Variants in HIPK4 observed in about 807,000 individuals in gnomAD.
The protein encoded by HIPK4 is homeodomain interacting protein kinase 4, also known as homeodomain-interacting protein kinase 4.
Under a neutral mutation model 44.8 loss-of-function variants are expected in HIPK4, and 26 were observed. The observed-to-expected ratio is 0.58, with a 90% CI of 0.43 to 0.80. The LOEUF is 0.80. Ranked by LOEUF, HIPK4 falls within the 30% of genes least tolerant of loss-of-function variation. HIPK4 has a pLI of 0.00. For synonymous variants in HIPK4, 340 were observed against 355.5 expected (o/e 0.96, Z 0.49); for missense variants, 729 against 862.6 (o/e 0.85, Z 1.94).
At position 40,380,763 on chromosome 19, in the gene HIPK4, T is replaced by C. The variant is rs764001974; in HGVS notation, c.1228A>G (p.Ser410Gly). 3 of 1,614,194 alleles carry C rather than the reference T, an allele frequency of 1.9e-6. 1 individual carries two copies. The highest frequency in any genetic ancestry group is 3.3e-4 in the Middle Eastern group (2 of 6,062). ...TTCTCCTCTCGGAAGAAGGGGCTGC[T>C]GCCGGCCACACTGCCCATACCCGCA... ...EAAGMGSVAGSSPFFREEKAP... is the reference protein window; with the variant it reads ...EAAGMGSVAGGSPFFREEKAP... Residue 410 changes from serine to glycine, a missense_variant, in exon 3 of 4, where the codon AGC (serine) becomes GGC (glycine). This residue lies in a region of HIPK4 where 533 missense variants were observed against 567.5 expected (regional missense o/e 0.94). Transcript: ENST00000291823. This position sits in a 1 kb window ranked among gnomAD's most constrained non-coding sequence, Gnocchi z 4.2.
Position 40,389,836 on chromosome 19 carries a change from C to T in HIPK4, c.67G>A (p.Gly23Arg). 5 of 1,613,898 alleles carry T rather than the reference C, an allele frequency of 3.1e-6. No homozygotes were observed. Among genetic ancestry groups the T allele is most frequent in the East Asian group, 2.2e-5 (1 of 44,878 alleles). Reference sequence around the variant, plus strand: ...CGCCGCCAGCCCTTGGCTACCTCCCCGAAGGTCCCCTTGCCCAAGACCTCG... The same window carrying T: ...CGCCGCCAGCCCTTGGCTACCTCCCTGAAGGTCCCCTTGCCCAAGACCTCG... ...IIEVLGKGTF[G>R]EVAKGWRRST... Residue 23 changes from glycine (G) to arginine (R), a missense_variant, in exon 1 of 4, where the codon GGG becomes AGG. Physicochemically the swap from Gly to Arg is moderately radical, Grantham distance 125 (BLOSUM62 -2). Transcript: ENST00000291823. The surrounding 1 kb of genome is among the most constrained non-coding windows in gnomAD (Gnocchi z 4.6).
At chr19:40,381,783 CCTT>C (rs1169312546) in intron 2 of HIPK4, among the ~76,000 whole-genome samples, 1,416 of 113,224 alleles carry the variant, frequency 0.013, 77 homozygotes, top group Admixed American at 0.1. Flanking sequence ...TCACTCAGAT[CCTT>C]TTTTTTTTTT....
At chr19:40,387,769 A>T (rs1260523874) in intron 1 of HIPK4, among the ~76,000 whole-genome samples, 1 of 151,820 alleles carries the variant, frequency 6.6e-6, no homozygotes, top group Non-Finnish European at 1.5e-5. Context: ...TTGGGCCACC[A>T]CACCTGGCCA....
intron 1 of HIPK4, among the ~76,000 whole-genome samples, chr19:40,385,032 T>G (rs1040762850): frequency 6.6e-6 from 1 of 152,196 alleles, no homozygotes; most frequent in Non-Finnish European, 1.5e-5. Flanking sequence ...AGGACCCTAT[T>G]CTTCCTCTTG....
At chr19:40,386,438 C>T (rs997236556) in intron 1 of HIPK4, among the ~76,000 whole-genome samples, 47 of 152,180 alleles carry the variant, frequency 3.1e-4, no homozygotes, top group African/African-American at 1.1e-3. Flanking sequence ...ACTGTAGCCG[C>T]GAACTCCAGG....
chr19:40,385,114 C>T (rs1428090119), intron 1 of HIPK4, among the ~76,000 whole-genome samples: 2 of 152,144 alleles, frequency 1.3e-5, no homozygotes, highest in Admixed American at 6.6e-5. Flanking sequence ...CAGCCCCGAC[C>T]CTGGTCCTAT....
intron 1 of HIPK4, among the ~76,000 whole-genome samples, chr19:40,386,882 G>A (rs2079365784): frequency 6.6e-6 from 1 of 151,178 alleles, no homozygotes; most frequent in African/African-American, 2.4e-5. Context: ...TGAGACAGTG[G>A]CTCACCCTGT....
At position 40,380,687 on chromosome 19, in the gene HIPK4, T is replaced by C; in HGVS notation, c.1304A>G (p.Gln435Arg). ...AIDQLDDLSL[Q>R]EAGHGLWGET... ...ACCCCACAGCCCATGCCCAGCCTCC[T>C]GCAGACTCAGGTCATCCAGCTGGTC... The change falls in exon 3 of 4, where the codon CAG becomes CGG. Residue 435 changes from glutamine (Q) to arginine (R), a missense_variant. Transcript: ENST00000291823. This position sits in a 1 kb window ranked among gnomAD's most constrained non-coding sequence, Gnocchi z 4.2. The C allele has an allele frequency of 6.2e-7, 1 of 1,614,136 alleles. No individual in the cohort carries two copies. The highest frequency in any genetic ancestry group is 1.1e-5 in the South Asian group (1 of 91,092).
rs2079330457 is a variant in HIPK4, at chr19:40,380,715, T to C, written c.1276A>G (p.Ile426Val). Residue 426 changes from isoleucine (I) to valine (V), a missense_variant, in exon 3 of 4, where the codon ATC becomes GTC. Coordinates refer to ENST00000291823, the MANE Select transcript of HIPK4 (RefSeq NM_144685.5). The surrounding 1 kb of genome is among the most constrained non-coding windows in gnomAD (Gnocchi z 4.2). ...EEKAPGMQRA[I>V]DQLDDLSLQE... is the part of the protein sequence containing the mutation. ...AGACTCAGGTCATCCAGCTGGTCGA[T>C]GGCTCTTTGCATACCTGGTGCCTTC... 2 of 1,614,118 alleles carry C rather than the reference T, an allele frequency of 1.2e-6. No homozygotes were observed. Among genetic ancestry groups the C allele is most frequent in the Non-Finnish European group, 1.7e-6 (2 of 1,179,942 alleles).
At chr19:40,387,757 G>A (rs973458582) in intron 1 of HIPK4, among the ~76,000 whole-genome samples, 10 of 152,184 alleles carry the variant, frequency 6.6e-5, no homozygotes, top group Non-Finnish European at 1.2e-4. Flanking sequence ...GGGATTACAG[G>A]CTTGGGCCAC....
In HIPK4 at chr19:40,381,166, C is replaced by T; in HGVS notation, c.825G>A (p.Val275=). ...SSADYLAETK[V]RPLERRKYML... ...TATACTTGCGGCGCTCCAATGGGCG[C>T]ACCTGGCGGGGCATGGAGAAGGGGG... The change falls in exon 3 of 4, where the codon GTG becomes GTA. Residue 275 remains valine (V), a splice_region_variant and synonymous_variant. Transcript: ENST00000291823. 6.3e-7 allele frequency: 1 copy of T among 1,592,760 alleles called. No individual in the cohort carries two copies. Among genetic ancestry groups the T allele is most frequent in the Non-Finnish European group, 8.5e-7 (1 of 1,174,048 alleles).
intron 1 of HIPK4, among the ~76,000 whole-genome samples, chr19:40,385,683 C>CTTTTTTTTTTTTTTTTTT (rs142414559): frequency 4.9e-4 from 33 of 67,040 alleles, no homozygotes; most frequent in South Asian, 9.4e-4. Context: ...CTTTTCTTTT[C>CTTTTTTTTTTTTTTTTTT]TTTTTTTTTT....
rs1169524144 is a variant in HIPK4, at chr19:40,389,752, T to C, written c.151A>G (p.Ile51Val). The C allele has an allele frequency of 6.2e-7, 1 of 1,614,092 alleles. No homozygotes were observed. The highest frequency in any genetic ancestry group is 1.3e-5 in the African/African-American group (1 of 74,926). Residue 51 changes from isoleucine (I) to valine (V), a missense_variant, in exon 1 of 4, where the codon ATC becomes GTC. Ile to Val is a conservative substitution (Grantham distance 29). Coordinates refer to ENST00000291823, the MANE Select transcript of HIPK4 (RefSeq NM_144685.5). This position sits in a 1 kb window ranked among gnomAD's most constrained non-coding sequence, Gnocchi z 4.6. ...ILKNDAYRNR[I>V]IKNELKLLHC... ...AGCAGCTTCAGCTCGTTCTTGATGA[T>C]GCGGTTGCGGTAGGCGTCATTCTTG...
chr19:40,389,483 C>T lies in HIPK4; in HGVS notation c.420G>A (p.Glu140=). ...GGGTCTGGTCCACCAGCATGATGTT[C>T]TCAGGCTTGAGATCAGCGTGGATGA... ...LAIIHADLKP[E]NIMLVDQTRC... is the part of the protein sequence containing the mutation. Residue 140 remains glutamate (E), a synonymous_variant, in exon 1 of 4, where the codon GAG becomes GAA. Transcript: ENST00000291823. This position sits in a 1 kb window ranked among gnomAD's most constrained non-coding sequence, Gnocchi z 4.6. The T allele has an allele frequency of 6.2e-7, 1 of 1,608,728 alleles. No homozygotes were observed. Among genetic ancestry groups the T allele is most frequent in the African/African-American group, 1.3e-5 (1 of 74,940 alleles).
chr19:40,384,673 G>A (rs1378153419), intron 1 of HIPK4, among the ~76,000 whole-genome samples: 2 of 144,518 alleles, frequency 1.4e-5, no homozygotes, highest in African/African-American at 5.2e-5. Flanking sequence ...GTGCAGTGGC[G>A]CAATCTTGGC....
chr19:40,386,211 A>C (rs1488851976), intron 1 of HIPK4, among the ~76,000 whole-genome samples: 2 of 151,480 alleles, frequency 1.3e-5, no homozygotes, highest in Non-Finnish European at 2.9e-5. Context: ...CTGGGATTAC[A>C]AGCGCTAATC....
Position 40,389,328 on chromosome 19 carries a change from AT to A in HIPK4, c.465+109del. The A allele has an allele frequency of 2.2e-6, 1 of 450,306 alleles. No individual in the cohort carries two copies. Among genetic ancestry groups the A allele is most frequent in the Non-Finnish European group, 3.5e-6 (1 of 289,448 alleles). 27.9% of individuals were successfully genotyped at this position (450,306 alleles called of 1,614,324 possible). A position where few individuals can be genotyped will look rare whatever the true frequency, so the allele number is the denominator to read the frequency against. ...AACAGAATGAAACTCCGTCTCAAAA[AT>A]AATAATAATAATAATTTTAAAAAAT... On this transcript the variant is annotated intron_variant, in intron 1 of 3. Coordinates refer to ENST00000291823, the MANE Select transcript of HIPK4 (RefSeq NM_144685.5). The surrounding 1 kb of genome is among the most constrained non-coding windows in gnomAD (Gnocchi z 4.6).
In HIPK4 at chr19:40,384,121, C is replaced by T; in HGVS notation, c.484G>A (p.Ala162Thr). ...TAGCGCACCTCGCTGAAAATGCTGG[C>T]GGATCCGAAGTCAATCACCTGTCGG... ...FRVKVIDFGS[A>T]SIFSEVRYVK... The change falls in exon 2 of 4, where the codon GCC becomes ACC. Residue 162 changes from alanine (A) to threonine (T), a missense_variant. Ala to Thr is a moderately conservative substitution (Grantham distance 58, BLOSUM62 0). Around this residue, in one of 2 missense-constraint regions of HIPK4, gnomAD observed 196 missense variants for 295.1 expected, o/e 0.66. Transcript: ENST00000291823. The T allele has an allele frequency of 1.3e-6, 2 of 1,583,482 alleles. No individual in the cohort carries two copies. The highest frequency in any genetic ancestry group is 1.7e-6 in the Non-Finnish European group (2 of 1,159,730).
rs1156830250 is a variant in HIPK4, at chr19:40,380,282, C to T, written c.1668+41G>A. ...GAGCACGGGTGAGTGTGTGCTGAGC[C>T]TCCTCCCACCCTAATCGTATCCTGA... On this transcript the variant is annotated intron_variant, in intron 3 of 3. Transcript: ENST00000291823. The surrounding 1 kb of genome is among the most constrained non-coding windows in gnomAD (Gnocchi z 4.2). 1.3e-6 allele frequency: 2 copies of T among 1,593,248 alleles called. No individual in the cohort carries two copies. Among genetic ancestry groups the T allele is most frequent in the East Asian group, 2.2e-5 (1 of 44,496 alleles).
Sources: allele counts gnomAD v4.1 joint callset (sites outside exome capture counted in the v4.1 genomes callset), GRCh38; gene constraint gnomAD v4.1.1; regional missense constraint gnomAD v4.1.1; non-coding constraint Gnocchi (gnomAD v3.1); transcripts MANE v1.5; gene names NCBI Gene and HGNC (gene_info 2026-07-23, HGNC 2026-07-21).